Variants in ATXN1 observed in about 807,000 individuals in gnomAD.
ATXN1 encodes the protein ataxin-1.
A neutral mutation model predicts 56.4 loss-of-function variants in ATXN1; 8 were observed. The observed-to-expected ratio is 0.14, with a 90% CI of 0.08 to 0.26. The LOEUF (loss-of-function observed/expected upper bound fraction) is 0.26. Ranked by LOEUF, ATXN1 falls within the 10% of genes least tolerant of loss-of-function variation. The probability of loss-of-function intolerance (pLI) is 1.00; values close to 1 mark genes in which losing one functional copy is unlikely to be tolerated. For missense variants in ATXN1, 987 were observed against 1,106.5 expected (o/e 0.89, Z 1.53); for synonymous variants, 514 against 494.6 (o/e 1.04, Z -0.52).
At chr6:16,418,307 T>C (rs1031105423) in intron 6 of ATXN1, among the ~76,000 whole-genome samples, 1 of 152,240 alleles carries the variant, frequency 6.6e-6, no homozygotes, top group Non-Finnish European at 1.5e-5. Flanking sequence ...CCCTGGCTCC[T>C]GGCAAAAACT....
At chr6:16,457,718 T>C (rs965149654) in intron 6 of ATXN1, among the ~76,000 whole-genome samples, 2 of 152,166 alleles carry the variant, frequency 1.3e-5, no homozygotes, top group African/African-American at 4.8e-5. Context: ...GCTGGCGATT[T>C]ACATTCCACA....
At chr6:16,645,227 A>G (rs921805015) in intron 3 of ATXN1, among the ~76,000 whole-genome samples, 1 of 152,222 alleles carries the variant, frequency 6.6e-6, no homozygotes, top group Non-Finnish European at 1.5e-5. Flanking sequence ...CCCAAACTGC[A>G]TCTACTGTGA....
intron 3 of ATXN1, among the ~76,000 whole-genome samples, chr6:16,637,035 G>A (rs1051981903): frequency 6.6e-6 from 1 of 152,036 alleles, no homozygotes; most frequent in East Asian, 1.9e-4. Flanking sequence ...TGCTATAAAG[G>A]CACATGCGCA....
At position 16,633,158 on chromosome 6, in the gene ATXN1, T is replaced by C. The variant is rs114607447; in HGVS notation, c.-489+24618A>G. On this transcript the variant is annotated intron_variant, in intron 3 of 7. Coordinates refer to ENST00000436367, the MANE Select transcript of ATXN1 (RefSeq NM_001128164.2). ...CTGTTATTGATATATGGTCATTTTG[T>C]TATAAAGAAACATTTAAAAGGAGGC... is the stretch of plus-strand genomic sequence containing the variant. Among the ~76,000 whole-genome samples the C allele has an allele frequency of 1.7e-3, 263 of 152,332 alleles. 1 individual carries two copies. Among genetic ancestry groups the C allele is most frequent in the Non-Finnish European group, 2.9e-3 (197 of 68,036 alleles).
chr6:16,399,023 C>T (rs1473195103), intron 6 of ATXN1, among the ~76,000 whole-genome samples: 1 of 152,218 alleles, frequency 6.6e-6, no homozygotes, highest in East Asian at 1.9e-4. Flanking sequence ...CGTCTCACGA[C>T]TCCAGCCAGG....
intron 2 of ATXN1, among the ~76,000 whole-genome samples, chr6:16,700,353 C>T (rs1342371709): frequency 1.3e-5 from 2 of 152,112 alleles, no homozygotes; most frequent in African/African-American, 2.4e-5. Context: ...TTTGCCTCTG[C>T]CCCTGTTCTT....
At chr6:16,580,805 G>A (rs896205137) in intron 4 of ATXN1, among the ~76,000 whole-genome samples, 1 of 151,654 alleles carries the variant, frequency 6.6e-6, no homozygotes, top group African/African-American at 2.4e-5. Flanking sequence ...ACATTTTTTC[G>A]CTTTTCCTAA....
At chr6:16,646,444 A>C (rs1379779584) in intron 3 of ATXN1, among the ~76,000 whole-genome samples, 4 of 152,246 alleles carry the variant, frequency 2.6e-5, no homozygotes, top group Non-Finnish European at 5.9e-5. Context: ...CCCCAACCAC[A>C]GAATCTGATA....
chr6:16,733,209 G>C (rs1450957334), intron 2 of ATXN1, among the ~76,000 whole-genome samples: 1 of 152,152 alleles, frequency 6.6e-6, no homozygotes, highest in Non-Finnish European at 1.5e-5. Context: ...ATTGTGTTAT[G>C]AAGTGCCCTC....
intron 6 of ATXN1, among the ~76,000 whole-genome samples, chr6:16,408,955 C>T (rs1367667101): frequency 6.6e-6 from 1 of 152,126 alleles, no homozygotes; most frequent in Admixed American, 6.5e-5. Context: ...GTGTTTGGCA[C>T]ACAGTAGGTG....
intron 4 of ATXN1, among the ~76,000 whole-genome samples, chr6:16,535,926 C>T (rs1761589479): frequency 6.6e-6 from 1 of 152,134 alleles, no homozygotes. Flanking sequence ...TTGGGTTTTT[C>T]TGGCCAGGCA....
chr6:16,605,813 C>T (rs1489603792), intron 3 of ATXN1, among the ~76,000 whole-genome samples: 4 of 152,102 alleles, frequency 2.6e-5, no homozygotes, highest in Non-Finnish European at 4.4e-5. Context: ...GTCTATATTC[C>T]CTTAACCGTA....
At chr6:16,349,834 T>C (rs892472730) in intron 6 of ATXN1, among the ~76,000 whole-genome samples, 4 of 152,238 alleles carry the variant, frequency 2.6e-5, no homozygotes, top group African/African-American at 7.2e-5. Flanking sequence ...AATGTGCTCA[T>C]GTTTTCAATT....
intron 6 of ATXN1, among the ~76,000 whole-genome samples, chr6:16,363,084 C>A (rs976186481): frequency 1.3e-5 from 2 of 152,174 alleles, no homozygotes; most frequent in Non-Finnish European, 2.9e-5. Context: ...TTTCTCAGAT[C>A]CCTTATCATG....
At chr6:16,586,492 T>C (rs1025188229) in intron 3 of ATXN1, among the ~76,000 whole-genome samples, 7 of 152,236 alleles carry the variant, frequency 4.6e-5, no homozygotes, top group African/African-American at 1.7e-4. Context: ...TACTATGTTC[T>C]GGGCCATGTG....
At chr6:16,706,732 A>AC (rs1759416304) in intron 2 of ATXN1, among the ~76,000 whole-genome samples, 5 of 87,184 alleles carry the variant, frequency 5.7e-5, no homozygotes, top group East Asian at 4.5e-4. Flanking sequence ...TCAAAAAAAA[A>AC]AAAAAAAAGG....
chr6:16,570,093 A>G (rs1762305278), intron 4 of ATXN1, among the ~76,000 whole-genome samples: 2 of 152,212 alleles, frequency 1.3e-5, no homozygotes, highest in South Asian at 4.1e-4. Flanking sequence ...TTATTGCAAC[A>G]TCCTTGCCCA....
At chr6:16,637,461 A>C (rs1341932927) in intron 3 of ATXN1, among the ~76,000 whole-genome samples, 1 of 152,122 alleles carries the variant, frequency 6.6e-6, no homozygotes, top group Non-Finnish European at 1.5e-5. Context: ...AAACCTGCAC[A>C]TTGTGCACAT....
intron 5 of ATXN1, among the ~76,000 whole-genome samples, chr6:16,488,723 T>C (rs1013758648): frequency 6.6e-6 from 1 of 152,162 alleles, no homozygotes; most frequent in Non-Finnish European, 1.5e-5. Context: ...GAAACAAATA[T>C]GCCAAACTTC....
Sources: allele counts gnomAD v4.1 joint callset (sites outside exome capture counted in the v4.1 genomes callset), GRCh38; gene constraint gnomAD v4.1.1; transcripts MANE v1.5; gene names NCBI Gene and HGNC (gene_info 2026-07-23, HGNC 2026-07-21).